ANK3: variants seen among roughly 807,000 people sequenced by gnomAD.
ANK3 encodes ankyrin-3.
Under a neutral mutation model 370.9 loss-of-function variants are expected in ANK3, and 57 were observed. That is an observed-to-expected ratio of 0.15 (90% CI 0.12 to 0.19). ANK3 has a LOEUF of 0.19. Ranked by LOEUF, ANK3 falls within the 10% of genes least tolerant of loss-of-function variation. The pLI is 1.00. For synonymous variants in ANK3, 1,929 were observed against 1,946.3 expected (o/e 0.99, Z 0.23); for missense variants, 4,439 against 5,302.1 (o/e 0.84, Z 5.06).
At chr10:60,727,737 G>T (rs1393161721) in intron 1 of ANK3, among the ~76,000 whole-genome samples, 1 of 151,908 alleles carries the variant, frequency 6.6e-6, no homozygotes, top group South Asian at 2.1e-4. Context: ...TCTAATCTAG[G>T]TATTTAAGGA....
intron 42 of ANK3, chr10:60,053,585 A>AATTTCCT (rs1248117716): frequency 8.9e-6 from 9 of 1,011,146 alleles, no homozygotes; most frequent in Non-Finnish European, 1.2e-5. Context: ...GGAATTGGTA[A>AATTTCCT]AGGGGAAAAC....
At chr10:60,622,911 C>T (rs1001179465) in intron 1 of ANK3, among the ~76,000 whole-genome samples, 8 of 152,142 alleles carry the variant, frequency 5.3e-5, no homozygotes, top group Non-Finnish European at 7.4e-5. Context: ...GACCAAAGAA[C>T]GCAATGCTAG....
At chr10:60,060,005 A>G (rs1187489361) in intron 40 of ANK3, 2 of 1,578,574 alleles carry the variant, frequency 1.3e-6, no homozygotes, top group Non-Finnish European at 1.7e-6. Context: ...GGGAAGGATA[A>G]CCTATGGAAG....
intron 2 of ANK3, among the ~76,000 whole-genome samples, chr10:60,415,916 G>GGGC (rs1567021986): frequency 1.2e-5 from 1 of 81,276 alleles, no homozygotes; most frequent in Non-Finnish European, 2.6e-5. Context: ...CTGAATTTGT[G>GGGC]CCCCCCACCC....
intron 2 of ANK3, among the ~76,000 whole-genome samples, chr10:60,538,841 A>G (rs983581912): frequency 6.6e-6 from 1 of 151,964 alleles, no homozygotes; most frequent in African/African-American, 2.4e-5. Flanking sequence ...AATAAATGGT[A>G]TGTTTAAAAT....
chr10:60,385,526 C>T (rs1223948622), intron 1 of ANK3, among the ~76,000 whole-genome samples: 1 of 152,024 alleles, frequency 6.6e-6, no homozygotes, highest in Non-Finnish European at 1.5e-5. Context: ...TGATGCAATG[C>T]CTGATCCACA....
At chr10:60,700,584 T>C (rs920645) in intron 1 of ANK3, among the ~76,000 whole-genome samples, 6,119 of 152,240 alleles carry the variant, frequency 0.04, 159 homozygotes, top group Middle Eastern at 0.071. Context: ...TTATCAAGTC[T>C]CTAATATTAA....
chr10:60,723,920 A>G (rs573445935), intron 1 of ANK3, among the ~76,000 whole-genome samples: 2 of 152,150 alleles, frequency 1.3e-5, no homozygotes, highest in East Asian at 3.9e-4. Context: ...AATAAGGTAA[A>G]GAAATGGAGG....
intron 1 of ANK3, among the ~76,000 whole-genome samples, chr10:60,387,020 C>A (rs2132857988): frequency 6.6e-6 from 1 of 152,126 alleles, no homozygotes; most frequent in African/African-American, 2.4e-5. Context: ...ATTAGCCGGG[C>A]AGGGTGGCGG....
upstream of ANK3, among the ~76,000 whole-genome samples, chr10:60,392,205 C>T (rs1269405450): frequency 1.3e-5 from 2 of 152,178 alleles, no homozygotes; most frequent in Non-Finnish European, 2.9e-5. Flanking sequence ...CCAGTTTCCC[C>T]CCAAAACTGA....
At chr10:60,418,412 G>A (rs2063713260) in intron 2 of ANK3, among the ~76,000 whole-genome samples, 1 of 151,964 alleles carries the variant, frequency 6.6e-6, no homozygotes, top group Non-Finnish European at 1.5e-5. Context: ...CTAATCACCA[G>A]GCTGCCCAAG....
Position 60,070,084 on chromosome 10 carries a change from G to A in ANK3, c.10797C>T (p.Asn3599=). 1 of 1,614,180 alleles carries A rather than the reference G, an allele frequency of 6.2e-7. No individual in the cohort carries two copies. Among genetic ancestry groups the A allele is most frequent in the Middle Eastern group, 1.7e-4 (1 of 6,060 alleles). Residue 3599 remains asparagine (N), a synonymous_variant, in exon 37 of 44, where the codon AAC becomes AAT. Transcript: ENST00000280772. The surrounding 1 kb of genome is among the most constrained non-coding windows in gnomAD (Gnocchi z 5.7). ...TTTTTCCTTCATGAAATGGGAAGGG[G>A]TTAGGCTCACTAGTTGGGGTACTTT... ...TDESTPTSEP[N]PFPFHEGKMF...
chr10:60,180,377 C>T (rs2096123855), intron 18 of ANK3, among the ~76,000 whole-genome samples: 1 of 152,104 alleles, frequency 6.6e-6, no homozygotes, highest in Non-Finnish European at 1.5e-5. Context: ...GCATGTGGAT[C>T]ACAAGGTGAA....
In ANK3 at chr10:60,093,831, G is replaced by A. The variant is rs955205018; in HGVS notation, c.3329-5473C>T. On this transcript the variant is annotated intron_variant, in intron 28 of 43. Transcript: ENST00000280772. Reference sequence around the variant, plus strand: ...CTAACTATATAAACAGAGAAGCTCCGAGGAGAAGCGATCAGTACCCTCCAC... The same window carrying A: ...CTAACTATATAAACAGAGAAGCTCCAAGGAGAAGCGATCAGTACCCTCCAC... Among the ~76,000 whole-genome samples, 12 of 152,250 alleles carry A rather than the reference G, an allele frequency of 7.9e-5. 1 individual carries two copies. The South Asian group carries it at 1.9e-3, about 24-fold the overall frequency.
intron 1 of ANK3, among the ~76,000 whole-genome samples, chr10:60,636,091 A>AAATTAAATTAGTTTTT (rs56409528): frequency 0.34 from 52,176 of 152,024 alleles, 9,164 homozygotes; most frequent in African/African-American, 0.4. Context: ...AATTAGTTTA[A>AAATTAAATTAGTTTTT]AAACTAAAAT....
In ANK3 at chr10:60,174,276, C is replaced by A. The variant is rs141907563; in HGVS notation, c.2185-1090G>T. On this transcript the variant is annotated intron_variant, in intron 18 of 43. Transcript: ENST00000280772. ...TTGGTAGACTTTGTCTCACTAAACA[C>A]ACTGTCAGTGCACCCACACTGACCA... Among the ~76,000 whole-genome samples the A allele has an allele frequency of 5.7e-3, 861 of 152,338 alleles. 5 individuals carry two copies. The highest frequency in any genetic ancestry group is 9.0e-3 in the Non-Finnish European group (609 of 68,032).
chr10:60,240,927 A>G (rs1279447821), intron 7 of ANK3, among the ~76,000 whole-genome samples: 1 of 152,178 alleles, frequency 6.6e-6, no homozygotes, highest in Non-Finnish European at 1.5e-5. Context: ...TCTTTCAGTA[A>G]TGAGATTATA....
chr10:60,301,338 A>T (rs1185563084), intron 1 of ANK3, among the ~76,000 whole-genome samples: 1 of 120,958 alleles, frequency 8.3e-6, no homozygotes, highest in Non-Finnish European at 2.0e-5. Context: ...GTATATATAC[A>T]TATATATACA....
chr10:60,292,704 ACTTT>A (rs1259330658), intron 1 of ANK3, among the ~76,000 whole-genome samples: 4 of 133,584 alleles, frequency 3.0e-5, no homozygotes, highest in African/African-American at 5.8e-5. Flanking sequence ...GGGGTCCTAG[ACTTT>A]CTTTCTTTTT....
Sources: allele counts gnomAD v4.1 joint callset (sites outside exome capture counted in the v4.1 genomes callset), GRCh38; gene constraint gnomAD v4.1.1; non-coding constraint Gnocchi (gnomAD v3.1); transcripts MANE v1.5; gene names NCBI Gene and HGNC (gene_info 2026-07-23, HGNC 2026-07-21).